C12orf42: variants seen among roughly 807,000 people sequenced by gnomAD.
C12orf42 encodes chromosome 12 open reading frame 42.
C12orf42 carries 25 observed loss-of-function variants against 21.6 expected under a neutral mutation model. The observed-to-expected ratio is 1.16, with a 90% confidence interval of 0.84 to 1.62. The LOEUF (loss-of-function observed/expected upper bound fraction) is 1.62, where lower values mean the gene tolerates loss of function less well. Ranked by LOEUF, C12orf42 falls within the 40% of genes most tolerant of loss-of-function variation. The pLI is 0.00. For missense variants in C12orf42, 483 were observed against 459.3 expected, an observed-to-expected ratio of 1.05 and a Z score of -0.47; for synonymous variants, 174 against 175.0, an observed-to-expected ratio of 0.99 and a Z score of 0.05.
At chr12:103,543,892 T>TTTTTTTTTTTTTTGAGATGGAGTC in the C12orf42 span, among the ~76,000 whole-genome samples, 2 of 44,846 alleles carry the variant, frequency 4.5e-5, no homozygotes, top group South Asian at 3.9e-3. Flanking sequence ...TTTTTTTTTG[T>TTTTTTTTTTTTTTGAGATGGAGTC]TTTGTTTTTT....
chr12:103,359,115 T>G (rs1017331694), intron 4 of C12orf42, among the ~76,000 whole-genome samples: 1 of 152,070 alleles, frequency 6.6e-6, no homozygotes, highest in Non-Finnish European at 1.5e-5. Context: ...TTCCTCAGAG[T>G]TCTTCCCTGA....
chr12:103,210,928 A>G, the C12orf42 span, among the ~76,000 whole-genome samples: 1 of 152,054 alleles, frequency 6.6e-6, no homozygotes, highest in South Asian at 2.1e-4. Flanking sequence ...GAGTTCGAGT[A>G]GGCAGAGCTA....
chr12:103,048,617 A>C, the C12orf42 span, among the ~76,000 whole-genome samples: 1 of 152,140 alleles, frequency 6.6e-6, no homozygotes, highest in African/African-American at 2.4e-5. Context: ...TAACAACCTC[A>C]AAATAAGTCT....
intron 4 of C12orf42, among the ~76,000 whole-genome samples, chr12:103,286,939 C>A (rs371476419): frequency 1.1e-3 from 152 of 134,128 alleles, no homozygotes; most frequent in East Asian, 1.9e-3. Context: ...GACTCCGTCT[C>A]AAAAAAAAAA....
the C12orf42 span, among the ~76,000 whole-genome samples, chr12:103,170,952 A>G: frequency 6.6e-6 from 1 of 152,282 alleles, no homozygotes; most frequent in South Asian, 2.1e-4. Flanking sequence ...CAGGACAAGA[A>G]GTTGTATCAT....
At chr12:103,479,803 C>A (rs768063867) in intron 1 of C12orf42, among the ~76,000 whole-genome samples, 1 of 151,860 alleles carries the variant, frequency 6.6e-6, no homozygotes, top group Non-Finnish European at 1.5e-5. Flanking sequence ...GCAGTCATAA[C>A]GTATTTTATT....
At chr12:103,359,982 C>A (rs542019388) in intron 4 of C12orf42, among the ~76,000 whole-genome samples, 5 of 151,740 alleles carry the variant, frequency 3.3e-5, no homozygotes, top group East Asian at 4.0e-4. Flanking sequence ...TTCTCCTAGT[C>A]ATCCCCTTTC....
chr12:103,342,748 G>C (rs1280142107), intron 4 of C12orf42, among the ~76,000 whole-genome samples: 1 of 147,448 alleles, frequency 6.8e-6, no homozygotes, highest in East Asian at 2.0e-4. Context: ...AAGGACAGCT[G>C]AACTGCATTA....
At chr12:103,345,091 C>T (rs1422194945) in intron 4 of C12orf42, among the ~76,000 whole-genome samples, 2 of 152,200 alleles carry the variant, frequency 1.3e-5, no homozygotes, top group African/African-American at 4.8e-5. Flanking sequence ...TGACTTGCCC[C>T]TTTTGGCTTC....
intron 4 of C12orf42, among the ~76,000 whole-genome samples, chr12:103,343,521 G>A (rs2042338463): frequency 6.6e-6 from 1 of 152,172 alleles, no homozygotes; most frequent in Non-Finnish European, 1.5e-5. Flanking sequence ...GCTCACGCCT[G>A]TAATCCCAGC....
chr12:103,270,779 G>A (rs908881117), intron 5 of C12orf42, among the ~76,000 whole-genome samples: 4 of 137,492 alleles, frequency 2.9e-5, no homozygotes, highest in Admixed American at 7.7e-5. Flanking sequence ...CTTCCTGTGT[G>A]ATTTTTTGTT....
chr12:103,246,050 G>T (rs1025236935), intron 10 of C12orf42, among the ~76,000 whole-genome samples: 1 of 152,030 alleles, frequency 6.6e-6, no homozygotes, highest in Admixed American at 6.6e-5. Flanking sequence ...ATTTAATTTG[G>T]CCATATTTCT....
intron 4 of C12orf42, 29 bp downstream of exon 4, chr12:103,368,858 G>A (rs941775447): frequency 8.2e-7 from 1 of 1,213,242 alleles, no homozygotes; most frequent in Admixed American, 2.2e-5. Context: ...GGAAACTCTG[G>A]TCTGTCTTGG....
the C12orf42 span, among the ~76,000 whole-genome samples, chr12:103,077,826 A>G: frequency 6.6e-6 from 1 of 152,188 alleles, no homozygotes; most frequent in Non-Finnish European, 1.5e-5. Context: ...TAATCCCCAA[A>G]GTCAGTGTTA....
At chr12:103,506,836 TATATA>T in the C12orf42 span, among the ~76,000 whole-genome samples, 1 of 43,254 alleles carries the variant, frequency 2.3e-5, no homozygotes, top group South Asian at 1.2e-3. Context: ...ATTTATATAT[TATATA>T]TATATATATT....
chr12:103,367,662 C>T (rs1330534750), intron 4 of C12orf42, among the ~76,000 whole-genome samples: 2 of 151,636 alleles, frequency 1.3e-5, no homozygotes, highest in Admixed American at 6.6e-5. Flanking sequence ...AAGTGTTTTC[C>T]CATGGGAGAA....
intron 3 of C12orf42, among the ~76,000 whole-genome samples, chr12:103,373,424 G>A (rs1352336415): frequency 6.6e-6 from 1 of 152,152 alleles, no homozygotes; most frequent in African/African-American, 2.4e-5. Flanking sequence ...TTTTGGGGCT[G>A]TGCACACTCC....
chr12:103,173,727 T>C, the C12orf42 span, among the ~76,000 whole-genome samples: 1 of 152,160 alleles, frequency 6.6e-6, no homozygotes, highest in Admixed American at 6.6e-5. Flanking sequence ...TGGTGGATTG[T>C]GCTTGATCCT....
chr12:103,337,412 G>A (rs569348121), intron 4 of C12orf42, among the ~76,000 whole-genome samples: 13 of 152,246 alleles, frequency 8.5e-5, no homozygotes, highest in South Asian at 4.1e-4. Flanking sequence ...GTGCACTGGC[G>A]CAATCTTGGC....
Sources: gnomAD v4.1 joint callset for allele counts (sites outside exome capture counted in the v4.1 genomes callset) on GRCh38, gnomAD v4.1.1 for gene constraint, MANE v1.5 for transcripts, NCBI Gene and HGNC (gene_info 2026-07-23, HGNC 2026-07-21) for gene names.